Variants in GDPD1 observed in about 807,000 individuals in gnomAD.
GDPD1 encodes the protein glycerophosphodiester phosphodiesterase domain containing 1.
A neutral mutation model predicts 45.1 loss-of-function variants in GDPD1; 28 were observed. The ratio of observed to expected loss-of-function variants is 0.62; its 90% CI spans 0.46 to 0.85. GDPD1 has a LOEUF of 0.85. Ranked by LOEUF, GDPD1 falls within the 40% of genes least tolerant of loss-of-function variation. GDPD1 has a pLI of 0.00. For missense variants in GDPD1, 256 were observed against 364.8 expected, an observed-to-expected ratio of 0.70 and a Z score of 2.43; for synonymous variants, 139 against 131.4, an observed-to-expected ratio of 1.06 and a Z score of -0.40.
chr17:59,267,763 G>A (rs1003404186), intron 7 of GDPD1, among the ~76,000 whole-genome samples: 5 of 150,164 alleles, frequency 3.3e-5, no homozygotes, highest in South Asian at 2.2e-4. Context: ...TCTGCCTCCC[G>A]GGTTCAAGTG....
intron 7 of GDPD1, among the ~76,000 whole-genome samples, chr17:59,267,608 T>C (rs1178267838): frequency 6.6e-6 from 1 of 151,436 alleles, no homozygotes; most frequent in Non-Finnish European, 1.5e-5. Flanking sequence ...TAAAAACCTC[T>C]GGAGATAGGA....
chr17:59,273,719 G>A lies in GDPD1; in HGVS notation c.891G>A (p.Val297=), dbSNP rs2047460167. 1.3e-6 allele frequency: 2 copies of A among 1,594,214 alleles called. No homozygotes were observed. Among genetic ancestry groups the A allele is most frequent in the South Asian group, 1.1e-5 (1 of 88,184 alleles). Residue 297 remains valine (V), a synonymous_variant, in exon 10 of 10, where the codon GTG becomes GTA. Transcript: ENST00000284116. ...CTTTTGATTTGGGAGCAACTGGGGT[G>A]ATGACAGACTATCCAACAAAGCTTA... is the stretch of plus-strand genomic sequence containing the variant. ...KRAFDLGATG[V]MTDYPTKLRD...
chr17:59,228,857 G>C (rs1237751617), intron 1 of GDPD1, among the ~76,000 whole-genome samples: 1 of 151,414 alleles, frequency 6.6e-6, no homozygotes, highest in Non-Finnish European at 1.5e-5. Flanking sequence ...TCCAGCCTGG[G>C]CAACAGAGTG....
At chr17:59,254,296 G>C (rs1053599579) in intron 4 of GDPD1, among the ~76,000 whole-genome samples, 1 of 151,424 alleles carries the variant, frequency 6.6e-6, no homozygotes, top group African/African-American at 2.4e-5. Context: ...GGGAGGCAGA[G>C]GTTGCGATGA....
At chr17:59,264,421 C>G (rs2047383045) in intron 6 of GDPD1, among the ~76,000 whole-genome samples, 1 of 151,872 alleles carries the variant, frequency 6.6e-6, no homozygotes, top group South Asian at 2.1e-4. Flanking sequence ...AGCCTCCAGA[C>G]TAGCTGGGAT....
At chr17:59,233,108 T>C (rs1203991941) in intron 1 of GDPD1, among the ~76,000 whole-genome samples, 2 of 152,016 alleles carry the variant, frequency 1.3e-5, no homozygotes, top group Non-Finnish European at 2.9e-5. Context: ...CCCAGCTACT[T>C]AGGAGGCTGG....
chr17:59,253,895 A>G (rs768202159), intron 4 of GDPD1, among the ~76,000 whole-genome samples: 1 of 152,072 alleles, frequency 6.6e-6, no homozygotes, highest in Non-Finnish European at 1.5e-5. Context: ...ACAATGTGAG[A>G]TGTGAAATAC....
intron 3 of GDPD1, among the ~76,000 whole-genome samples, 164 bp downstream of exon 3, chr17:59,245,713 A>T (rs2047205528): frequency 6.6e-6 from 1 of 152,204 alleles, no homozygotes; most frequent in African/African-American, 2.4e-5. Context: ...GGCCAACTGT[A>T]CTGGCTCATG....
At chr17:59,224,581 C>CG (rs1339296408) in intron 1 of GDPD1, among the ~76,000 whole-genome samples, 1 of 149,260 alleles carries the variant, frequency 6.7e-6, no homozygotes, top group Non-Finnish European at 1.5e-5. Flanking sequence ...GCCGAGATCG[C>CG]GCCACTGCAC....
intron 4 of GDPD1, among the ~76,000 whole-genome samples, chr17:59,254,353 T>C (rs1215893279): frequency 8.0e-6 from 1 of 125,564 alleles, no homozygotes; most frequent in African/African-American, 3.3e-5. Flanking sequence ...AGAGTGAGAC[T>C]CCGTCTCAAA....
chr17:59,254,392 G>A (rs1476317048), intron 4 of GDPD1, among the ~76,000 whole-genome samples: 5 of 151,070 alleles, frequency 3.3e-5, no homozygotes, highest in Admixed American at 6.6e-5. Flanking sequence ...AAAGCCAAGC[G>A]TGGTGGCACA....
chr17:59,223,332 C>T (rs2047020613), intron 1 of GDPD1, among the ~76,000 whole-genome samples: 1 of 152,050 alleles, frequency 6.6e-6, no homozygotes, highest in South Asian at 2.1e-4. Flanking sequence ...TATAATGGTC[C>T]TATAAACACT....
In GDPD1 at chr17:59,245,460, A is replaced by G. The variant is rs781679792; in HGVS notation, c.232A>G (p.Thr78Ala). Residue 78 changes from threonine to alanine, a missense_variant, in exon 3 of 10, where the codon ACA becomes GCA. Thr to Ala is a moderately conservative substitution (Grantham distance 58, BLOSUM62 0). Transcript: ENST00000284116. ...TATGCTAGAATTGGACTGCCATATC[A>G]CAAAAGATGAACAAGTTGTAGTGTC... ...TDMLELDCHI[T>A]KDEQVVVSHD... 1 of 1,611,520 alleles carries G rather than the reference A, an allele frequency of 6.2e-7. No homozygotes were observed. Among genetic ancestry groups the G allele is most frequent in the Non-Finnish European group, 8.5e-7 (1 of 1,177,868 alleles).
rs144116001 is a variant in GDPD1 at position 59,224,791 on chromosome 17, T to G, written c.142+4040T>G. On this transcript the variant is annotated intron_variant, in intron 1 of 9. Transcript: ENST00000284116. ...TATGATCGTGCCTGTGAATAGCCGC[T>G]GAACTTCAGCTTGGGCGACATAGCA... Among the ~76,000 whole-genome samples, 295 of 152,228 alleles carry G rather than the reference T, an allele frequency of 1.9e-3. 2 individuals carry two copies. The highest frequency in any genetic ancestry group is 6.8e-3 in the African/African-American group (283 of 41,538).
Position 59,220,544 on chromosome 17 carries a change from C to T in GDPD1, c.-66C>T, listed in dbSNP as rs2046994515. 3 of 1,550,658 alleles carry T rather than the reference C, an allele frequency of 1.9e-6. No homozygotes were observed. Among genetic ancestry groups the T allele is most frequent in the African/African-American group, 2.7e-5 (2 of 72,956 alleles). On this transcript the variant is annotated 5_prime_UTR_variant, in exon 1 of 10. Transcript: ENST00000284116. ...CTCGAGCAGCCGCCGCCGCCGCCGT[C>T]GTTGCTACTGCCGCAGCGGAGTTCA...
At position 59,245,480 on chromosome 17, in the gene GDPD1, A is replaced by G. The variant is rs1568343133; in HGVS notation, c.252A>G (p.Val84=). The G allele has an allele frequency of 6.2e-7, 1 of 1,609,010 alleles. No homozygotes were observed. ...ATATCACAAAAGATGAACAAGTTGT[A>G]GTGTCACATGATGAGAATCTAAAGA... is the stretch of plus-strand genomic sequence containing the variant. The part of the protein sequence containing the change: ...DCHITKDEQV[V]VSHDENLKRA... Residue 84 remains valine, a synonymous_variant, in exon 3 of 10, where the codon GTA becomes GTG. Coordinates refer to ENST00000284116, the MANE Select transcript of GDPD1 (RefSeq NM_182569.4).
At chr17:59,242,836 T>G (rs145149173) in intron 2 of GDPD1, among the ~76,000 whole-genome samples, 4 of 152,290 alleles carry the variant, frequency 2.6e-5, no homozygotes, top group African/African-American at 9.6e-5. Context: ...CCCTCACCCC[T>G]GCACAAGGGA....
At position 59,234,472 on chromosome 17, in the gene GDPD1, T is replaced by C; in HGVS notation, c.143-20T>C. 1 of 1,483,658 alleles carries C rather than the reference T, an allele frequency of 6.7e-7. No individual in the cohort carries two copies. Among genetic ancestry groups the C allele is most frequent in the Non-Finnish European group, 9.4e-7 (1 of 1,065,832 alleles). The allele number at this position is 1,483,658 out of a possible 1,614,324, so 91.9% of individuals were successfully genotyped here. A position where few individuals can be genotyped will look rare whatever the true frequency, so the allele number is the denominator to read the frequency against. On this transcript the variant is annotated intron_variant, in intron 1 of 9. Transcript: ENST00000284116. ...AATTAAAATGTTCAAAATAAGTAAATATAGTTTAAATTTTCACAGGTGCTG... is the reference window on the plus strand; with the variant it reads ...AATTAAAATGTTCAAAATAAGTAAACATAGTTTAAATTTTCACAGGTGCTG...
intron 6 of GDPD1, among the ~76,000 whole-genome samples, chr17:59,266,243 C>T (rs150657173): frequency 6.6e-6 from 1 of 151,840 alleles, no homozygotes; most frequent in Non-Finnish European, 1.5e-5. Context: ...AAAAAATTAG[C>T]TGGGCATGGT....
Sources: allele counts gnomAD v4.1 joint callset (sites outside exome capture counted in the v4.1 genomes callset), GRCh38; gene constraint gnomAD v4.1.1; transcripts MANE v1.5; gene names NCBI Gene and HGNC (gene_info 2026-07-23, HGNC 2026-07-21).